The following HUWE1 variants were observed in gnomAD, a reference collection of about 807,000 sequenced individuals.
HUWE1 encodes the protein E3 ubiquitin-protein ligase HUWE1.
HUWE1 carries 18 observed loss-of-function variants against 299.4 expected under a neutral mutation model. That is an observed-to-expected ratio of 0.06 (90% CI 0.04 to 0.09). The LOEUF is 0.09. HUWE1 is among the 10% of genes least tolerant of loss of function. The pLI is 1.00. For missense variants in HUWE1, 1,832 were observed against 3,462.3 expected (o/e 0.53, Z 11.82); for synonymous variants, 1,317 against 1,286.1 (o/e 1.02, Z -0.51).
At chrX:53,537,218 C>T in intron 78 of HUWE1, 1 of 292,428 alleles carries the variant, frequency 3.4e-6, no homozygotes, top group East Asian at 7.8e-5. Context: ...CACCAGTGAG[C>T]AGTTACCAGT....
chrX:53,575,915 T>G, intron 44 of HUWE1, 127 bp from the exon 45 acceptor site: 5 of 684,639 alleles, frequency 7.3e-6, no homozygotes, highest in Non-Finnish European at 1.1e-5. Flanking sequence ...CATGGTGCTA[T>G]TACAGATAAT....
chrX:53,603,533 A>G, intron 26 of HUWE1, 32 bp from the exon 27 acceptor site: 1 of 1,193,308 alleles, frequency 8.4e-7, no homozygotes, highest in Non-Finnish European at 1.1e-6. Context: ...CACCTTTGGG[A>G]TGTTCTCTGA....
chrX:53,561,655 G>A, intron 55 of HUWE1, 101 bp downstream of exon 55: 2 of 1,133,865 alleles, frequency 1.8e-6, no homozygotes, highest in Non-Finnish European at 2.4e-6. Flanking sequence ...AGGAAAAGAA[G>A]TGCTGTCTGT....
chrX:53,589,629 C>G lies in HUWE1; in HGVS notation c.4379G>C (p.Arg1460Pro). 8.3e-7 allele frequency: 1 copy of G among 1,210,515 alleles called. No homozygotes were observed. The change falls in exon 36 of 84, where the codon CGT (arginine) becomes CCT (proline). Residue 1460 changes from arginine (R) to proline (P), a missense_variant. Physicochemically the swap from Arg to Pro is moderately radical, Grantham distance 103 (BLOSUM62 -2). Around this residue, in one of 15 missense-constraint regions of HUWE1, gnomAD observed 658 missense variants for 1,282.6 expected, o/e 0.51. Transcript: ENST00000262854. ...LLDELPDTVY[R>P]VCDLIMTAIK... ...TGCTGTCATGATCAGGTCACACACA[C>G]GGTATACTGTGTCTGGCAGCTCATC...
chrX:53,601,648 A>C (rs1556990818), intron 28 of HUWE1, among the ~76,000 whole-genome samples: 1 of 103,541 alleles, frequency 9.7e-6, no homozygotes, highest in Non-Finnish European at 2.0e-5. Flanking sequence ...TATGATTTCT[A>C]CTTACTGAAA....
At chrX:53,537,457 G>T in intron 78 of HUWE1, 99 bp downstream of exon 78, 1 of 870,588 alleles carries the variant, frequency 1.1e-6, no homozygotes, top group Non-Finnish European at 1.7e-6. Flanking sequence ...ATTAGGGAGG[G>T]CAGCACCTCC....
At chrX:53,541,313 G>A (rs185742840) in intron 74 of HUWE1, among the ~76,000 whole-genome samples, 3 of 111,879 alleles carry the variant, frequency 2.7e-5, no homozygotes, top group Non-Finnish European at 5.6e-5. Context: ...AAGGCTGGTC[G>A]GCCGTGGCTC....
intron 6 of HUWE1, among the ~76,000 whole-genome samples, chrX:53,645,771 A>G (rs2067986764): frequency 1.2e-5 from 1 of 82,034 alleles, no homozygotes; most frequent in Admixed American, 1.4e-4. Flanking sequence ...ATATATATAT[A>G]TATATGTATT....
chrX:53,682,602 TGA>T (rs2070224719), intron 2 of HUWE1, among the ~76,000 whole-genome samples: 1 of 111,046 alleles, frequency 9.0e-6, no homozygotes. Flanking sequence ...TAGTGGAGCC[TGA>T]GAGGAGGGTT....
At position 53,637,375 on chromosome X, in the gene HUWE1, T is replaced by C. The variant is rs894675059; in HGVS notation, c.505-3077A>G. Among the ~76,000 whole-genome samples, 5 of 112,567 alleles carry C rather than the reference T, an allele frequency of 4.4e-5. No homozygotes were observed. The East Asian group carries it at 1.4e-3, about 31-fold the overall frequency. On this transcript the variant is annotated intron_variant, in intron 7 of 83. Transcript: ENST00000262854. ...GACATCTAGTGAAGACGAAGACACA[T>C]GCAATTTGCTGAAAACCATAAAGTA... is the stretch of plus-strand genomic sequence containing the variant.
chrX:53,584,908 C>CA, intron 40 of HUWE1, 104 bp downstream of exon 40: 1 of 906,169 alleles, frequency 1.1e-6, no homozygotes, highest in Non-Finnish European at 1.6e-6. Flanking sequence ...AGAACAACGA[C>CA]AAAAAAACCT....
chrX:53,540,693 G>A (rs1452743311), intron 74 of HUWE1, among the ~76,000 whole-genome samples: 1 of 111,972 alleles, frequency 8.9e-6, no homozygotes, highest in African/African-American at 3.2e-5. Context: ...GCCATGGTAT[G>A]ACAGATGGAA....
chrX:53,557,221 T>A, intron 60 of HUWE1, 161 bp downstream of exon 60: 1 of 570,656 alleles, frequency 1.8e-6, no homozygotes, highest in Non-Finnish European at 3.2e-6. Context: ...TGTATAGTTA[T>A]CTCCAAGATG....
intron 28 of HUWE1, among the ~76,000 whole-genome samples, chrX:53,602,028 T>A (rs1027714503): frequency 9.0e-6 from 1 of 111,707 alleles, no homozygotes; most frequent in African/African-American, 3.3e-5. Context: ...AAAACAGCAC[T>A]GTCGATAGAA....
intron 4 of HUWE1, among the ~76,000 whole-genome samples, chrX:53,650,053 G>A (rs1240072362): frequency 9.0e-6 from 1 of 111,555 alleles, no homozygotes; most frequent in Non-Finnish European, 1.9e-5. Flanking sequence ...CAGTCACCTG[G>A]GTCTACTAGG....
In HUWE1 at chrX:53,558,801, C is replaced by G; in HGVS notation, c.8014G>C (p.Val2672Leu). 1 of 1,211,743 alleles carries G rather than the reference C, an allele frequency of 8.3e-7. No homozygotes were observed. Among genetic ancestry groups the G allele is most frequent in the South Asian group, 1.8e-5 (1 of 56,973 alleles). The part of the protein sequence containing the change: ...SMHDCVSVVK[V>L]SIVNHLEFLR... ...AATTCCAGGTGATTGACAATGGACA[C>G]TTTAACCACTGTTTCAAAGAGGCAA... The change falls in exon 59 of 84, where the codon GTG becomes CTG. Residue 2672 changes from valine to leucine, a missense_variant. Transcript: ENST00000262854.
intron 4 of HUWE1, among the ~76,000 whole-genome samples, chrX:53,653,472 A>G (rs782614993): frequency 4.2e-3 from 470 of 111,449 alleles, no homozygotes; most frequent in Non-Finnish European, 6.9e-3. Flanking sequence ...GACTATCACA[A>G]TGCAATACCA....
chrX:53,575,057 G>A lies in HUWE1; in HGVS notation c.6097+98C>T, dbSNP rs1414067118. ...TTAGACCAGTAAACGTAATAATTAA[G>A]TCTGTATTCTCCTACCCCCTGCACA... is the stretch of plus-strand genomic sequence containing the variant. On this transcript the variant is annotated intron_variant, in intron 46 of 83. Transcript: ENST00000262854. The A allele has an allele frequency of 6.6e-6, 4 of 606,636 alleles. No individual in the cohort carries two copies. In the African/African-American group the frequency reaches 8.9e-5, roughly 14 times the overall value. 50.0% of individuals were successfully genotyped at this position (606,636 alleles called of 1,213,427 possible).
At chrX:53,562,616 G>A (rs1180566051) in intron 53 of HUWE1, among the ~76,000 whole-genome samples, 1 of 111,952 alleles carries the variant, frequency 8.9e-6, no homozygotes, top group Non-Finnish European at 1.9e-5. Flanking sequence ...AGAAGAAAGC[G>A]AACCAAGTAA....
Sources: gnomAD v4.1 joint callset for allele counts (sites outside exome capture counted in the v4.1 genomes callset) on GRCh38, gnomAD v4.1.1 for gene constraint, gnomAD v4.1.1 regional missense constraint, MANE v1.5 for transcripts, NCBI Gene and HGNC (gene_info 2026-07-23, HGNC 2026-07-21) for gene names.